The following MCOLN2 variants were observed in gnomAD, a reference collection of about 807,000 sequenced individuals.
The protein encoded by MCOLN2 is mucolipin-2.
MCOLN2 carries 57 observed loss-of-function variants against 67.5 expected under a neutral mutation model. The observed-to-expected ratio is 0.84, with a 90% CI of 0.68 to 1.05. The LOEUF is 1.05. Among genes scored for constraint, MCOLN2 ranks in the 50% least tolerant of loss-of-function variants. The probability of loss-of-function intolerance (pLI) is 0.00; values close to 1 mark genes in which losing one functional copy is unlikely to be tolerated. For synonymous variants in MCOLN2, 246 were observed against 233.3 expected (o/e 1.05, Z -0.50); for missense variants, 620 against 678.8 (o/e 0.91, Z 0.96).
chr1:84,935,922 G>C (rs1647399743), intron 11 of MCOLN2, among the ~76,000 whole-genome samples: 1 of 152,164 alleles, frequency 6.6e-6, no homozygotes. Flanking sequence ...TGATCTCCAA[G>C]TACAAGACTG....
chr1:84,984,097 C>T (rs1358007750), intron 1 of MCOLN2, among the ~76,000 whole-genome samples: 1 of 152,190 alleles, frequency 6.6e-6, no homozygotes, highest in East Asian at 1.9e-4. Context: ...ATACATTTCA[C>T]CTCCCTACTC....
chr1:84,973,082 C>T (rs1649776579), intron 1 of MCOLN2, among the ~76,000 whole-genome samples: 1 of 152,110 alleles, frequency 6.6e-6, no homozygotes, highest in Non-Finnish European at 1.5e-5. Context: ...ACTATTAGGG[C>T]TTCTAATTGT....
chr1:84,941,112 T>C (rs1305854966), intron 7 of MCOLN2, 121 bp from the exon 8 acceptor site: 2 of 649,870 alleles, frequency 3.1e-6, no homozygotes, highest in African/African-American at 1.8e-5. Flanking sequence ...TAAAACAAAA[T>C]GGTAAATATC....
intron 1 of MCOLN2, among the ~76,000 whole-genome samples, chr1:84,987,584 A>ATACATCTACG (rs1557666025): frequency 1.7e-5 from 1 of 58,762 alleles, no homozygotes; most frequent in African/African-American, 6.0e-5. Context: ...ATACATAGAT[A>ATACATCTACG]TATACATATG....
At chr1:84,926,855 A>G (rs1661184646) in intron 13 of MCOLN2, 134 bp from the exon 14 acceptor site, 2 of 506,062 alleles carry the variant, frequency 4.0e-6, no homozygotes, top group African/African-American at 2.0e-5. Context: ...AGGAAGAAAA[A>G]TTAAGACAGG....
intron 1 of MCOLN2, among the ~76,000 whole-genome samples, chr1:84,983,802 G>A (rs112486371): frequency 0.01 from 1,549 of 150,238 alleles, 31 homozygotes; most frequent in African/African-American, 0.037. Flanking sequence ...TCAGCCTCCC[G>A]AGTAGCTGGG....
chr1:84,944,051 A>C lies in MCOLN2; in HGVS notation c.847+2982T>G, dbSNP rs561208414. Among the ~76,000 whole-genome samples the C allele has an allele frequency of 9.2e-5, 14 of 152,280 alleles. No homozygotes were observed. In the South Asian group the frequency reaches 2.3e-3, roughly 25 times the overall value. ...ATGAAATGCAAGGACAGCATCTAGT[A>C]CCTTCCTTTCTGACATAAAACTAGA... On this transcript the variant is annotated intron_variant, in intron 7 of 13. Coordinates refer to ENST00000370608, the MANE Select transcript of MCOLN2 (RefSeq NM_153259.4).
At chr1:84,987,654 A>ATG (rs1201609778) in intron 1 of MCOLN2, among the ~76,000 whole-genome samples, 1 of 118,150 alleles carries the variant, frequency 8.5e-6, no homozygotes, top group Admixed American at 9.7e-5. Flanking sequence ...AAATATATAC[A>ATG]TACATATGTA....
intron 1 of MCOLN2, among the ~76,000 whole-genome samples, chr1:84,986,084 T>G (rs1315755092): frequency 6.6e-6 from 1 of 152,098 alleles, no homozygotes; most frequent in South Asian, 2.1e-4. Context: ...GGTACTGATA[T>G]AAAAACAGGC....
At position 84,987,584 on chromosome 1, in the gene MCOLN2, A is replaced by ATCCATCTATG. The variant is rs1650660659; in HGVS notation, c.77+9211_77+9212insCATAGATGGA. ...TGTATACATAGATGTATACATAGATATATACATATGTATATAGATGTATAT... is the reference window on the plus strand; with the variant it reads ...TGTATACATAGATGTATACATAGATATCCATCTATGTATACATATGTATATAGATGTATAT... On this transcript the variant is annotated intron_variant, in intron 1 of 13. Transcript: ENST00000370608. 3.4e-5 allele frequency among the ~76,000 whole-genome samples: 2 copies of ATCCATCTATG among 58,762 alleles called. 1 individual carries two copies. Among genetic ancestry groups the ATCCATCTATG allele is most frequent in the African/African-American group, 1.2e-4 (2 of 16,588 alleles). 38.6% of individuals were successfully genotyped at this position (58,762 alleles called of 152,430 possible).
At chr1:84,948,055 A>G (rs1301374748) in intron 6 of MCOLN2, among the ~76,000 whole-genome samples, 1 of 152,220 alleles carries the variant, frequency 6.6e-6, no homozygotes, top group Admixed American at 6.5e-5. Context: ...ACACCCACAC[A>G]GGCCTGACAG....
chr1:84,955,493 A>G (rs775419654), intron 4 of MCOLN2, among the ~76,000 whole-genome samples: 13 of 152,196 alleles, frequency 8.5e-5, no homozygotes, highest in Non-Finnish European at 1.9e-4. Context: ...AGCAAACAGA[A>G]AGGATGTTAC....
intron 3 of MCOLN2, among the ~76,000 whole-genome samples, chr1:84,957,384 C>G (rs1342041465): frequency 6.6e-6 from 1 of 152,170 alleles, no homozygotes; most frequent in Non-Finnish European, 1.5e-5. Flanking sequence ...CTAGCTCTGT[C>G]TTCATTAATA....
chr1:84,977,911 C>T (rs1571027796), intron 1 of MCOLN2, among the ~76,000 whole-genome samples: 2 of 152,130 alleles, frequency 1.3e-5, no homozygotes, highest in South Asian at 4.1e-4. Context: ...ATTTACAGGA[C>T]ACTTCATCCA....
chr1:84,954,810 C>T (rs615161), intron 4 of MCOLN2, among the ~76,000 whole-genome samples: 54,149 of 152,082 alleles, frequency 0.36, 10,047 homozygotes, highest in African/African-American at 0.44. Context: ...ATGAACAAGA[C>T]AGACATGGTT....
At chr1:84,983,953 C>A (rs890610155) in intron 1 of MCOLN2, among the ~76,000 whole-genome samples, 1 of 152,026 alleles carries the variant, frequency 6.6e-6, no homozygotes, top group Non-Finnish European at 1.5e-5. Flanking sequence ...GGATTACAGG[C>A]GTGAGCCACT....
chr1:84,960,154 GA>G (rs1649006145), intron 2 of MCOLN2, among the ~76,000 whole-genome samples: 1 of 152,156 alleles, frequency 6.6e-6, no homozygotes, highest in Non-Finnish European at 1.5e-5. Flanking sequence ...AAATACTAAA[GA>G]ATTAGGAAAA....
At chr1:84,952,881 G>T (rs1034649083) in intron 4 of MCOLN2, among the ~76,000 whole-genome samples, 5 of 152,194 alleles carry the variant, frequency 3.3e-5, no homozygotes, top group African/African-American at 1.2e-4. Context: ...AACCCAACGT[G>T]AGAGACATTC....
intron 1 of MCOLN2, among the ~76,000 whole-genome samples, chr1:84,995,474 G>GAC (rs1651097438): frequency 6.6e-6 from 1 of 152,200 alleles, no homozygotes. Context: ...CTTCAGAACT[G>GAC]ACACACGGAA....
Sources: gnomAD v4.1 joint callset for allele counts (sites outside exome capture counted in the v4.1 genomes callset) on GRCh38, gnomAD v4.1.1 for gene constraint, MANE v1.5 for transcripts, NCBI Gene and HGNC (gene_info 2026-07-23, HGNC 2026-07-21) for gene names.